Variants in CENPT observed in about 807,000 individuals in gnomAD.
The protein encoded by CENPT is centromere protein T, also known as interphase centromere complex protein 22.
A neutral mutation model predicts 59.7 loss-of-function variants in CENPT; 42 were observed. The observed-to-expected ratio is 0.70, with a 90% CI of 0.55 to 0.91. The LOEUF is 0.91. CENPT is among the 40% of genes least tolerant of loss of function. CENPT has a pLI of 0.00. For missense variants in CENPT, 716 were observed against 713.4 expected (o/e 1.00, Z -0.04); for synonymous variants, 295 against 289.6 (o/e 1.02, Z -0.19).
intron 1 of CENPT, among the ~76,000 whole-genome samples, chr16:67,845,079 C>T (rs768133556): frequency 9.2e-5 from 14 of 152,084 alleles, no homozygotes; most frequent in Non-Finnish European, 1.9e-4. Flanking sequence ...TGAGCTACCC[C>T]GCCCAGCCTC....
intron 1 of CENPT, among the ~76,000 whole-genome samples, chr16:67,838,229 C>G (rs2057743506): frequency 6.6e-6 from 1 of 152,174 alleles, no homozygotes; most frequent in African/African-American, 2.4e-5. Context: ...TCAATTTGGC[C>G]TCTCAACATT....
intron 4 of CENPT, 63 bp from the exon 5 acceptor site, chr16:67,832,608 A>C: frequency 1.4e-6 from 2 of 1,440,638 alleles, no homozygotes; most frequent in Non-Finnish European, 1.9e-6. Flanking sequence ...ATATAGAGAC[A>C]TGCCTTCATC....
chr16:67,836,075 T>G (rs1196364256), intron 1 of CENPT, among the ~76,000 whole-genome samples: 1 of 150,814 alleles, frequency 6.6e-6, no homozygotes, highest in Non-Finnish European at 1.5e-5. Context: ...TTTTTTGTTT[T>G]TTGAGATGGA....
intron 1 of CENPT, among the ~76,000 whole-genome samples, chr16:67,837,661 T>C (rs1471226891): frequency 7.9e-5 from 12 of 152,050 alleles, no homozygotes; most frequent in Admixed American, 7.9e-4. Context: ...TCAGCCAAGA[T>C]TGCACTCCAG....
intron 11 of CENPT, 106 bp downstream of exon 11, chr16:67,830,284 G>T: frequency 7.0e-7 from 1 of 1,419,460 alleles, no homozygotes; most frequent in Non-Finnish European, 9.6e-7. Context: ...GGCAGCCACA[G>T]CCAGGGTGCT....
chr16:67,843,258 A>C lies in CENPT; in HGVS notation c.-492+4143T>G. ...CCCCAGTTGGTGGTGGTAGGGGAAG[A>C]GGGCTTCCCTGATACTGGCTCCGAC... On this transcript the variant is annotated intron_variant, in intron 1 of 15. Transcript: ENST00000562787. This position sits in a 1 kb window ranked among gnomAD's most constrained non-coding sequence, Gnocchi z 5.7. 6.2e-7 allele frequency: 1 copy of C among 1,612,744 alleles called. No homozygotes were observed. Among genetic ancestry groups the C allele is most frequent in the Non-Finnish European group, 8.5e-7 (1 of 1,179,432 alleles).
chr16:67,830,162 T>TG (rs1261265776), intron 11 of CENPT, 74 bp from the exon 12 acceptor site: 1 of 1,460,666 alleles, frequency 6.8e-7, no homozygotes. Flanking sequence ...AGGGTAAAGA[T>TG]GGACCAGCAG....
chr16:67,844,819 G>A (rs938322203), intron 1 of CENPT, among the ~76,000 whole-genome samples: 5 of 149,536 alleles, frequency 3.3e-5, no homozygotes, highest in African/African-American at 1.2e-4. Context: ...ATGGAGCTTT[G>A]CTCTTGTCAC....
chr16:67,833,868 C>G lies in CENPT; in HGVS notation c.-9G>C, dbSNP rs1396168612. The G allele has an allele frequency of 6.7e-7, 1 of 1,501,080 alleles. No homozygotes were observed. The highest frequency in any genetic ancestry group is 2.7e-5 in the East Asian group (1 of 37,616). The allele number at this position is 1,501,080 out of a possible 1,614,324, so 93.0% of individuals were successfully genotyped here. ...GGGTTGTGGTCAGCCATCGTCTCGG[C>G]CCCGGGCCCTCCTAACCGCCCAGCC... On this transcript the variant is annotated 5_prime_UTR_variant, in exon 4 of 16. Transcript: ENST00000562787.
chr16:67,831,040 A>T (rs1442756928), intron 10 of CENPT, 176 bp downstream of exon 10: 1 of 798,808 alleles, frequency 1.3e-6, no homozygotes, highest in Non-Finnish European at 2.1e-6. Flanking sequence ...CGAGGGACCA[A>T]GGAAAGAGGC....
chr16:67,829,737 C>T (rs766774753), intron 12 of CENPT, 28 bp downstream of exon 12: 2 of 1,603,982 alleles, frequency 1.2e-6, no homozygotes, highest in Non-Finnish European at 1.7e-6. Flanking sequence ...CAGCTGTCAC[C>T]AGTCACTCCC....
In CENPT at chr16:67,841,241, A is replaced by G. The variant is rs1009340538; in HGVS notation, c.-491-5583T>C. 3.6e-5 allele frequency among the ~76,000 whole-genome samples: 5 copies of G among 139,264 alleles called. No homozygotes were observed. The East Asian group carries it at 1.2e-3, about 32-fold the overall frequency. 91.4% of individuals were successfully genotyped at this position (139,264 alleles called of 152,430 possible). A position where few individuals can be genotyped will look rare whatever the true frequency, so the allele number is the denominator to read the frequency against. On this transcript the variant is annotated intron_variant, in intron 1 of 15. Transcript: ENST00000562787. ...AAAAAAGATTCCCTCAAATAAGTTGAGGTGGGGGGAGGTGTATTGTTACAA... is the reference window on the plus strand; with the variant it reads ...AAAAAAGATTCCCTCAAATAAGTTGGGGTGGGGGGAGGTGTATTGTTACAA...
chr16:67,846,607 C>T (rs114136314), intron 1 of CENPT: 6,861 of 152,498 alleles, frequency 0.045, 457 homozygotes, highest in African/African-American at 0.15. Context: ...CGGGGCCAAC[C>T]CCCACCCCAG....
At position 67,828,823 on chromosome 16, in the gene CENPT, T is replaced by A. The variant is rs747378575; in HGVS notation, c.1301A>T (p.Glu434Val). 8 of 1,584,700 alleles carry A rather than the reference T, an allele frequency of 5.0e-6. No individual in the cohort carries two copies. Among genetic ancestry groups the A allele is most frequent in the Non-Finnish European group, 6.0e-6 (7 of 1,172,428 alleles). ...AGGGGGATGCCTGACCAACAGAGGC[T>A]CTGCAGGCTCTGAAGATAAGCTGAG... ...GAAVLSSEPA[E>V]PLLVRHPPRP... is the part of the protein sequence containing the mutation. The change falls in exon 14 of 16, where the codon GAG becomes GTG. Residue 434 changes from glutamate (E) to valine (V), a missense_variant. Glu to Val is a moderately radical substitution (Grantham distance 121). Coordinates refer to ENST00000562787, the MANE Select transcript of CENPT (RefSeq NM_025082.4).
intron 1 of CENPT, among the ~76,000 whole-genome samples, chr16:67,844,846 T>G (rs1212627943): frequency 6.6e-6 from 1 of 151,896 alleles, no homozygotes; most frequent in Non-Finnish European, 1.5e-5. Context: ...TGGAGTGCAA[T>G]GGTGTGATCT....
In CENPT at chr16:67,829,503, C is replaced by T. The variant is rs779016690; in HGVS notation, c.1200G>A (p.Ser400=). 2.5e-5 allele frequency: 40 copies of T among 1,594,034 alleles called. No individual in the cohort carries two copies. The highest frequency in any genetic ancestry group is 3.3e-4 in the Middle Eastern group (2 of 5,974). The change falls in exon 13 of 16, where the codon TCG becomes TCA. Residue 400 remains serine, a synonymous_variant. Coordinates refer to ENST00000562787, the MANE Select transcript of CENPT (RefSeq NM_025082.4). ...DASGRAASPE[S]ASSTPESLQA... ...GGAGAGACTCAGGGGTGCTGGAGGC[C>T]GACTCTGGACTTGCTACAAAGAAGA...
In CENPT at chr16:67,831,850, G is replaced by A. The variant is rs758793161; in HGVS notation, c.427C>T (p.Leu143=). Residue 143 remains leucine (L), a synonymous_variant, in exon 8 of 16, where the codon CTG becomes TTG. Transcript: ENST00000562787. ...CCAGGGGCCAGCAGACCTGGAGCCA[G>A]GGTTGTGGGGGGCTCGAGCTCAGGA... ...QLPELEPPTT[L]APGLLAPGRR... 4.3e-6 allele frequency: 7 copies of A among 1,611,096 alleles called. No homozygotes were observed. Among genetic ancestry groups the A allele is most frequent in the Middle Eastern group, 1.7e-4 (1 of 6,050 alleles).
At chr16:67,839,381 CAA>C (rs533840724) in intron 1 of CENPT, among the ~76,000 whole-genome samples, 18 of 54,108 alleles carry the variant, frequency 3.3e-4, no homozygotes, top group Non-Finnish European at 5.3e-4. Context: ...AACTCCACCT[CAA>C]AAAAAAAAAA....
chr16:67,834,123 A>G (rs1316929402), intron 3 of CENPT, 23 bp from the exon 4 acceptor site: 3 of 403,620 alleles, frequency 7.4e-6, no homozygotes, highest in African/African-American at 6.2e-5. Context: ...GTTGATACCC[A>G]CCTGATAAGG....
Sources: allele counts gnomAD v4.1 joint callset (sites outside exome capture counted in the v4.1 genomes callset), GRCh38; gene constraint gnomAD v4.1.1; non-coding constraint Gnocchi (gnomAD v3.1); transcripts MANE v1.5; gene names NCBI Gene and HGNC (gene_info 2026-07-23, HGNC 2026-07-21).